Variants in NCALD observed in about 807,000 individuals in gnomAD.
NCALD encodes neurocalcin-delta.
A neutral mutation model predicts 18.6 loss-of-function variants in NCALD; 10 were observed. That is an observed-to-expected ratio of 0.54 (90% CI 0.33 to 0.91). NCALD has a LOEUF of 0.91. NCALD is among the 40% of genes least tolerant of loss of function. The probability of loss-of-function intolerance (pLI) is 0.03; values close to 1 mark genes in which losing one functional copy is unlikely to be tolerated. For synonymous variants in NCALD, 88 were observed against 87.4 expected (o/e 1.01, Z -0.04); for missense variants, 184 against 247.6 (o/e 0.74, Z 1.72).
Position 101,839,363 on chromosome 8 carries a change from G to A in NCALD, c.-20+47778C>T, listed in dbSNP as rs545591488. On this transcript the variant is annotated intron_variant, in intron 4 of 6. Transcript: ENST00000311028. ...GGCTGAGTGGGAGGTTGGGGTGGCAGGAGAGGTGGAACGTAAGGCTCAAGG... is the reference window on the plus strand; with the variant it reads ...GGCTGAGTGGGAGGTTGGGGTGGCAAGAGAGGTGGAACGTAAGGCTCAAGG... 1.2e-4 allele frequency among the ~76,000 whole-genome samples: 19 copies of A among 152,272 alleles called. No individual in the cohort carries two copies. The South Asian group carries it at 3.9e-3, about 32-fold the overall frequency.
intron 1 of NCALD, among the ~76,000 whole-genome samples, chr8:102,041,395 T>C (rs1004601009): frequency 6.6e-6 from 1 of 152,224 alleles, no homozygotes; most frequent in Admixed American, 6.5e-5. Flanking sequence ...CTGGAAGATG[T>C]CCTAGAAGAT....
chr8:101,777,257 C>A (rs1033270575), intron 1 of NCALD, among the ~76,000 whole-genome samples: 5 of 152,152 alleles, frequency 3.3e-5, no homozygotes, highest in African/African-American at 1.2e-4. Context: ...AATCCCAGTC[C>A]CCGTGGGGTG....
chr8:101,954,958 A>C lies in NCALD; in HGVS notation c.-156-39100T>G, dbSNP rs151308629. On this transcript the variant is annotated intron_variant, in intron 2 of 6. Coordinates refer to the NCALD transcript ENST00000311028. ...CTCTGAGCCTCAGTTATTTATCTGC[A>C]AAATGGAGCTCTGACCCATTTTGGC... 2.8e-4 allele frequency among the ~76,000 whole-genome samples: 43 copies of C among 152,242 alleles called. No homozygotes were observed. In the East Asian group the frequency reaches 7.9e-3, roughly 28 times the overall value.
At chr8:102,079,030 C>T (rs772227897) in intron 1 of NCALD, among the ~76,000 whole-genome samples, 4 of 152,174 alleles carry the variant, frequency 2.6e-5, no homozygotes, top group Non-Finnish European at 4.4e-5. Context: ...GTGGAAGAAG[C>T]TGGCTGAGAA....
chr8:102,108,612 T>C (rs7829676), intron 1 of NCALD, among the ~76,000 whole-genome samples: 52 of 152,350 alleles, frequency 3.4e-4, no homozygotes, highest in African/African-American at 1.2e-3. Flanking sequence ...CTAAGGACGA[T>C]AGCAGGAGCT....
intron 4 of NCALD, among the ~76,000 whole-genome samples, chr8:101,841,135 ATC>A (rs1289221649): frequency 9.2e-5 from 14 of 152,214 alleles, no homozygotes; most frequent in African/African-American, 3.4e-4. Flanking sequence ...ATCACTTTTC[ATC>A]TCTTTTCTAA....
At chr8:101,840,346 ACT>A (rs1187227943) in intron 4 of NCALD, among the ~76,000 whole-genome samples, 1 of 152,174 alleles carries the variant, frequency 6.6e-6, no homozygotes, top group African/African-American at 2.4e-5. Flanking sequence ...TCCACTGCAA[ACT>A]CTGACAATTA....
chr8:101,900,576 A>AT (rs1002637869), intron 3 of NCALD, among the ~76,000 whole-genome samples: 19 of 151,766 alleles, frequency 1.3e-4, no homozygotes, highest in African/African-American at 3.1e-4. Context: ...ACTTTAACGT[A>AT]TTTTTTTATT....
At chr8:101,781,230 C>CGGT (rs1305659231) in intron 1 of NCALD, among the ~76,000 whole-genome samples, 2 of 152,034 alleles carry the variant, frequency 1.3e-5, no homozygotes, top group Non-Finnish European at 2.9e-5. Flanking sequence ...TTTAACTACC[C>CGGT]CTGGCAGTTG....
upstream of NCALD, among the ~76,000 whole-genome samples, chr8:101,795,477 C>G (rs1812604983): frequency 1.3e-5 from 2 of 152,138 alleles, no homozygotes; most frequent in South Asian, 2.1e-4. Context: ...ATGGCGCCTT[C>G]AAGCTGAGTC....
chr8:101,719,306 G>T lies in NCALD; in HGVS notation c.324C>A (p.Tyr108Ter). 1 of 1,614,116 alleles carries T rather than the reference G, an allele frequency of 6.2e-7. No individual in the cohort carries two copies. Among genetic ancestry groups the T allele is most frequent in the Non-Finnish European group, 8.5e-7 (1 of 1,180,028 alleles). ...EQKLKWAFSMYDLDGNGYISK... is the reference protein window; with the variant it reads ...EQKLKWAFSM Reference sequence around the variant, plus strand: ...TGATATAGCCATTTCCGTCCAGGTCGTACATGCTGAAGGCCCATTTCAGCT... The same window carrying T: ...TGATATAGCCATTTCCGTCCAGGTCTTACATGCTGAAGGCCCATTTCAGCT... The change falls in exon 2 of 4, where the codon TAC becomes TAA. Residue 108 changes from tyrosine to a stop codon, truncating the protein, a stop_gained. Coordinates refer to ENST00000220931, the MANE Select transcript of NCALD (RefSeq NM_032041.3). LOFTEE classifies it high-confidence loss of function.
chr8:101,696,080 C>T (rs77700549), intron 2 of NCALD, among the ~76,000 whole-genome samples: 1 of 152,018 alleles, frequency 6.6e-6, no homozygotes, highest in Non-Finnish European at 1.5e-5. Flanking sequence ...CCCTTAGAAA[C>T]CATGCAAACC....
chr8:102,093,987 C>T (rs1825011739), intron 1 of NCALD, among the ~76,000 whole-genome samples: 1 of 152,124 alleles, frequency 6.6e-6, no homozygotes, highest in Non-Finnish European at 1.5e-5. Context: ...CCAGTCACAT[C>T]CCTAAGGCAA....
intron 1 of NCALD, among the ~76,000 whole-genome samples, chr8:102,037,706 C>A (rs1802668467): frequency 6.6e-6 from 1 of 151,934 alleles, no homozygotes; most frequent in Non-Finnish European, 1.5e-5. Context: ...CTCTTGGTAC[C>A]AATTCTTAAG....
chr8:101,985,522 G>A (rs1820775701), intron 2 of NCALD, among the ~76,000 whole-genome samples: 1 of 152,196 alleles, frequency 6.6e-6, no homozygotes, highest in African/African-American at 2.4e-5. Context: ...AATGAGAGAT[G>A]AGGCAGATTC....
At chr8:102,092,163 T>G (rs552391496) in intron 1 of NCALD, among the ~76,000 whole-genome samples, 1 of 152,224 alleles carries the variant, frequency 6.6e-6, no homozygotes, top group African/African-American at 2.4e-5. Flanking sequence ...GACAGTGACC[T>G]GGTCGTCCTC....
At chr8:101,932,070 A>G (rs1818595791) in intron 2 of NCALD, among the ~76,000 whole-genome samples, 1 of 152,210 alleles carries the variant, frequency 6.6e-6, no homozygotes. Flanking sequence ...CCTAAGCTAC[A>G]TCCCACCTAC....
chr8:101,960,359 A>G (rs1255468015), intron 2 of NCALD, among the ~76,000 whole-genome samples: 2 of 152,290 alleles, frequency 1.3e-5, no homozygotes, highest in African/African-American at 4.8e-5. Context: ...TGAAGAATGG[A>G]GTAGAATGCA....
At chr8:102,050,792 T>C (rs531256062) in intron 1 of NCALD, among the ~76,000 whole-genome samples, 5 of 145,672 alleles carry the variant, frequency 3.4e-5, no homozygotes, top group East Asian at 2.0e-4. Flanking sequence ...AATTAACTAA[T>C]TTTTAATTTA....
Sources: gnomAD v4.1 joint callset for allele counts (sites outside exome capture counted in the v4.1 genomes callset) on GRCh38, gnomAD v4.1.1 for gene constraint, MANE v1.5 for transcripts, NCBI Gene and HGNC (gene_info 2026-07-23, HGNC 2026-07-21) for gene names.